Variants in ELFN2 observed in about 807,000 individuals in gnomAD.
ELFN2 encodes the protein extracellular leucine rich repeat and fibronectin type III domain containing 2.
A neutral mutation model predicts 45.5 loss-of-function variants in ELFN2; 17 were observed. The ratio of observed to expected loss-of-function variants is 0.37; its 90% CI spans 0.26 to 0.56. ELFN2 has a LOEUF of 0.56. ELFN2 is among the 20% of genes least tolerant of loss of function. The pLI is 0.77. For missense variants in ELFN2, 922 were observed against 1,183.2 expected (o/e 0.78, Z 3.24); for synonymous variants, 550 against 551.5 (o/e 1.00, Z 0.04).
intron 2 of ELFN2, among the ~76,000 whole-genome samples, chr22:37,395,145 A>ATAAG (rs960899747): frequency 2.9e-5 from 4 of 137,678 alleles, no homozygotes; most frequent in African/African-American, 1.1e-4. Context: ...AAATAAATAA[A>ATAAG]TAAATATTGT....
chr22:37,346,991 T>A (rs199964693), intron 1 of ELFN2, among the ~76,000 whole-genome samples: 58,922 of 151,548 alleles, frequency 0.39, 11,638 homozygotes, highest in Non-Finnish European at 0.42. Flanking sequence ...ATTATTTTTT[T>A]TTTTGAGATG....
At chr22:37,344,104 CCCTGCCTATGCCCG>C (rs1448305959) in intron 1 of ELFN2, among the ~76,000 whole-genome samples, 2 of 102,668 alleles carry the variant, frequency 1.9e-5, no homozygotes, top group East Asian at 5.7e-4. Flanking sequence ...GCCCATGGCC[CCCTGCCTATGCCCG>C]CCTGCCCATG....
intron 1 of ELFN2, among the ~76,000 whole-genome samples, chr22:37,358,519 A>G (rs1397097330): frequency 6.6e-6 from 1 of 152,232 alleles, no homozygotes; most frequent in African/African-American, 2.4e-5. Context: ...AGTTTCAGGC[A>G]TCTGCATCCC....
chr22:37,420,047 C>T (rs1411023194), intron 1 of ELFN2, among the ~76,000 whole-genome samples: 1 of 152,172 alleles, frequency 6.6e-6, no homozygotes, highest in Non-Finnish European at 1.5e-5. Context: ...GGAGGAAAGC[C>T]GGGCCAGCCG....
intron 2 of ELFN2, among the ~76,000 whole-genome samples, chr22:37,382,541 C>CTTT (rs1241322092): frequency 1.1e-5 from 1 of 90,906 alleles, no homozygotes; most frequent in Non-Finnish European, 2.1e-5. Flanking sequence ...CCACGCTGGC[C>CTTT]TTTTTTTTTT....
At chr22:37,354,518 G>T (rs971393981) in intron 1 of ELFN2, 1 of 149,738 alleles carries the variant, frequency 6.7e-6, no homozygotes, top group African/African-American at 2.5e-5. Flanking sequence ...CTATGGCTTA[G>T]TTGGGTGTGT....
intron 2 of ELFN2, among the ~76,000 whole-genome samples, chr22:37,412,348 C>CA (rs1185464717): frequency 6.6e-6 from 1 of 151,814 alleles, no homozygotes. Context: ...AGCACACCCA[C>CA]AGTGCCTCCA....
chr22:37,407,289 C>T (rs767119750), intron 2 of ELFN2, among the ~76,000 whole-genome samples: 2 of 152,114 alleles, frequency 1.3e-5, no homozygotes, highest in Non-Finnish European at 2.9e-5. Flanking sequence ...CTGGAGGGCA[C>T]GATTTTTGGA....
At chr22:37,384,367 C>T (rs1931877371) in intron 2 of ELFN2, among the ~76,000 whole-genome samples, 2 of 151,598 alleles carry the variant, frequency 1.3e-5, no homozygotes, top group Admixed American at 1.3e-4. Context: ...TAAAAACCCA[C>T]CTCCTGGCTT....
intron 1 of ELFN2, among the ~76,000 whole-genome samples, chr22:37,425,128 A>G (rs1008524943): frequency 6.6e-6 from 1 of 152,214 alleles, no homozygotes; most frequent in Non-Finnish European, 1.5e-5. Context: ...GCCATTTTCT[A>G]TTGTCACATG....
chr22:37,418,572 ACT>A (rs1932783997), intron 1 of ELFN2, among the ~76,000 whole-genome samples: 1 of 150,124 alleles, frequency 6.7e-6, no homozygotes, highest in South Asian at 2.1e-4. Flanking sequence ...GTGCACACAC[ACT>A]CTCACACTCC....
chr22:37,422,943 C>CGGG (rs67054331), intron 1 of ELFN2, among the ~76,000 whole-genome samples: 21 of 29,250 alleles, frequency 7.2e-4, no homozygotes, highest in African/African-American at 1.6e-3. Flanking sequence ...AACTGGGCCT[C>CGGG]GGGGGGGGGG....
chr22:37,362,653 C>T lies in ELFN2; in HGVS notation n.149-19950G>A, dbSNP rs73884004. Among the ~76,000 whole-genome samples, 781 of 152,310 alleles carry T rather than the reference C, an allele frequency of 5.1e-3. 6 individuals carry two copies. Among genetic ancestry groups the T allele is most frequent in the African/African-American group, 0.018 (747 of 41,558 alleles). On this transcript the variant is annotated intron_variant and non_coding_transcript_variant, in intron 1 of 2. Coordinates refer to ENST00000452946, the Ensembl canonical transcript of ELFN2. ...TTTGGGAGTAAAGTGGGTTAGAGCT[C>T]CTTCCAGCTCTTCTGGGTATGCTGT...
chr22:37,409,027 C>T (rs1932579894), intron 2 of ELFN2, among the ~76,000 whole-genome samples: 2 of 152,224 alleles, frequency 1.3e-5, no homozygotes, highest in Non-Finnish European at 2.9e-5. Context: ...GGGCTCTCTC[C>T]CTACAGCATC....
rs1270791769 is a variant in ELFN2, at chr22:37,425,491, G to A, written c.-614+1807C>T. 5.3e-5 allele frequency among the ~76,000 whole-genome samples: 8 copies of A among 151,950 alleles called. No homozygotes were observed. In the East Asian group the frequency reaches 1.2e-3, roughly 22 times the overall value. ...ATATACAAGAGACATAACCACACTC[G>A]GCCACACACACTCCCGTGACATCAC... On this transcript the variant is annotated intron_variant, in intron 1 of 2. Transcript: ENST00000402918.
At chr22:37,407,403 G>A (rs186438704) in intron 2 of ELFN2, among the ~76,000 whole-genome samples, 130 of 152,246 alleles carry the variant, frequency 8.5e-4, no homozygotes, top group Middle Eastern at 3.4e-3. Context: ...AGGCACATTC[G>A]TGAACAAGAC....
At chr22:37,343,661 G>C (rs891672565) in intron 1 of ELFN2, among the ~76,000 whole-genome samples, 22 of 152,008 alleles carry the variant, frequency 1.4e-4, no homozygotes, top group African/African-American at 3.6e-4. Context: ...CAGCAGGAGG[G>C]AGTGCAGAGA....
In ELFN2 at chr22:37,372,946, G is replaced by C; in HGVS notation, c.*126C>G. ...TGTGTGTGTGCGTGCGTGCGTGCGG[G>C]TCTGCATGTGCGTCCTCTCCTGGGC... is the stretch of plus-strand genomic sequence containing the variant. On this transcript the variant is annotated 3_prime_UTR_variant, in exon 3 of 3. Coordinates refer to ENST00000402918, the MANE Select transcript of ELFN2 (RefSeq NM_052906.5). This position sits in a 1 kb window ranked among gnomAD's most constrained non-coding sequence, Gnocchi z 4.4. 1.9e-6 allele frequency: 2 copies of C among 1,072,656 alleles called. No homozygotes were observed. Among genetic ancestry groups the C allele is most frequent in the Non-Finnish European group, 1.3e-6 (1 of 765,984 alleles). 66.4% of individuals were successfully genotyped at this position (1,072,656 alleles called of 1,614,324 possible). A position where few individuals can be genotyped will look rare whatever the true frequency, so the allele number is the denominator to read the frequency against.
chr22:37,376,334 C>T (rs1334259575), intron 2 of ELFN2, among the ~76,000 whole-genome samples: 1 of 152,034 alleles, frequency 6.6e-6, no homozygotes, highest in Non-Finnish European at 1.5e-5. Context: ...TGCTCATCCC[C>T]CTACCTGCAC....
Sources: gnomAD v4.1 joint callset for allele counts (sites outside exome capture counted in the v4.1 genomes callset) on GRCh38, gnomAD v4.1.1 for gene constraint, Gnocchi (gnomAD v3.1) non-coding constraint, MANE v1.5 for transcripts, NCBI Gene and HGNC (gene_info 2026-07-23, HGNC 2026-07-21) for gene names.